The following CNTNAP2 variants were observed in gnomAD, a reference collection of about 807,000 sequenced individuals.
CNTNAP2 encodes contactin associated protein 2, also known as contactin-associated protein-like 2.
CNTNAP2 carries 98 observed loss-of-function variants against 155.2 expected under a neutral mutation model. The observed-to-expected ratio is 0.63, with a 90% CI of 0.54 to 0.75. The LOEUF is 0.75. Ranked by LOEUF, CNTNAP2 falls within the 30% of genes least tolerant of loss-of-function variation. The pLI is 0.00. For missense variants in CNTNAP2, 1,727 were observed against 1,688.1 expected (o/e 1.02, Z -0.40); for synonymous variants, 651 against 631.2 (o/e 1.03, Z -0.47).
At chr7:146,372,296 A>G (rs1052890395) in intron 1 of CNTNAP2, among the ~76,000 whole-genome samples, 2 of 152,214 alleles carry the variant, frequency 1.3e-5, no homozygotes, top group Non-Finnish European at 2.9e-5. Context: ...TTTTCAGCCA[A>G]TGCCATAGAA....
At chr7:146,242,483 G>A (rs564269529) in intron 1 of CNTNAP2, among the ~76,000 whole-genome samples, 9 of 151,682 alleles carry the variant, frequency 5.9e-5, no homozygotes, top group African/African-American at 2.2e-4. Flanking sequence ...AGGTTGCAGT[G>A]AGCCGAGATT....
At chr7:147,734,644 C>G (rs1204650293) in intron 13 of CNTNAP2, among the ~76,000 whole-genome samples, 1 of 152,152 alleles carries the variant, frequency 6.6e-6, no homozygotes, top group African/African-American at 2.4e-5. Flanking sequence ...TCTGTCTGGT[C>G]CTGCACATTT....
At chr7:148,237,697 GC>G (rs138932417) in intron 20 of CNTNAP2, among the ~76,000 whole-genome samples, 13,469 of 152,260 alleles carry the variant, frequency 0.088, 842 homozygotes, top group Non-Finnish European at 0.15. Flanking sequence ...TGAGGCACAT[GC>G]AGAGTGGTGT....
intron 13 of CNTNAP2, among the ~76,000 whole-genome samples, chr7:147,715,544 G>A (rs1796469009): frequency 6.6e-6 from 1 of 151,852 alleles, no homozygotes; most frequent in Admixed American, 6.6e-5. Flanking sequence ...CTAATTTTAT[G>A]GGGTTTTTTT....
At chr7:146,479,314 A>G (rs1306284670) in intron 1 of CNTNAP2, among the ~76,000 whole-genome samples, 1 of 152,180 alleles carries the variant, frequency 6.6e-6, no homozygotes, top group South Asian at 2.1e-4. Context: ...CAATAAACAC[A>G]TCTCTTAAAT....
rs372962652 is a variant in CNTNAP2, at chr7:147,869,986, C to A, written c.2099-33579C>A. Among the ~76,000 whole-genome samples the A allele has an allele frequency of 3.2e-4, 49 of 152,228 alleles. 1 individual carries two copies. Among genetic ancestry groups the A allele is most frequent in the African/African-American group, 1.0e-3 (42 of 41,554 alleles). On this transcript the variant is annotated intron_variant, in intron 13 of 23. Transcript: ENST00000361727. ...TGCTAAGGTTGAGGGAGACATTAAA[C>A]TCACAACACTCCTATAAGATGGACA...
At chr7:147,732,835 T>A (rs1442964050) in intron 13 of CNTNAP2, among the ~76,000 whole-genome samples, 1 of 152,242 alleles carries the variant, frequency 6.6e-6, no homozygotes, top group Non-Finnish European at 1.5e-5. Flanking sequence ...ATGTCTTCTT[T>A]TGAGAAGTGT....
chr7:148,343,235 C>T (rs1210228524), intron 21 of CNTNAP2, among the ~76,000 whole-genome samples: 4 of 152,290 alleles, frequency 2.6e-5, no homozygotes, highest in Admixed American at 2.6e-4. Context: ...TGACATGTCC[C>T]ACAACACATC....
chr7:146,685,508 A>C (rs893303866), intron 1 of CNTNAP2, among the ~76,000 whole-genome samples: 1 of 152,220 alleles, frequency 6.6e-6, no homozygotes, highest in African/African-American at 2.4e-5. Flanking sequence ...GAACCAAAAA[A>C]ATACATCCTT....
chr7:147,132,648 G>T (rs2129285366), intron 8 of CNTNAP2, 139 bp downstream of exon 8: 1 of 1,178,206 alleles, frequency 8.5e-7, no homozygotes, highest in Middle Eastern at 2.4e-4. Context: ...TTACTTGGTT[G>T]TAGTGTGTGC....
intron 21 of CNTNAP2, among the ~76,000 whole-genome samples, chr7:148,375,114 T>C (rs1798959019): frequency 6.6e-6 from 1 of 152,142 alleles, no homozygotes; most frequent in Admixed American, 6.5e-5. Context: ...ATCAGATGTG[T>C]GCTCCTACCC....
intron 8 of CNTNAP2, among the ~76,000 whole-genome samples, chr7:147,222,681 TA>T (rs1458577485): frequency 6.6e-6 from 1 of 152,170 alleles, no homozygotes; most frequent in Non-Finnish European, 1.5e-5. Flanking sequence ...GGGAGCACTT[TA>T]AACAGGCCTT....
intron 1 of CNTNAP2, among the ~76,000 whole-genome samples, chr7:146,381,162 G>A (rs1257679581): frequency 6.6e-6 from 1 of 152,044 alleles, no homozygotes; most frequent in Non-Finnish European, 1.5e-5. Flanking sequence ...TTTGGCCCAT[G>A]AGATATCAGC....
At chr7:147,279,682 G>T (rs12333629) in intron 8 of CNTNAP2, among the ~76,000 whole-genome samples, 1 of 151,780 alleles carries the variant, frequency 6.6e-6, no homozygotes, top group Admixed American at 6.6e-5. Context: ...TGATCCACCA[G>T]CTTACTATAC....
chr7:147,137,647 AT>A (rs1432768645), intron 8 of CNTNAP2, among the ~76,000 whole-genome samples: 1 of 151,946 alleles, frequency 6.6e-6, no homozygotes, highest in Non-Finnish European at 1.5e-5. Flanking sequence ...TTCACCTTAA[AT>A]AATAAGCTTC....
chr7:147,742,032 G>A (rs898348661), intron 13 of CNTNAP2, among the ~76,000 whole-genome samples: 1 of 152,148 alleles, frequency 6.6e-6, no homozygotes, highest in African/African-American at 2.4e-5. Context: ...TGCAGGCAAA[G>A]AGAGGAGAGC....
chr7:148,355,150 C>T (rs1006258436), intron 21 of CNTNAP2, among the ~76,000 whole-genome samples: 3 of 140,620 alleles, frequency 2.1e-5, no homozygotes, highest in African/African-American at 8.1e-5. Flanking sequence ...CCACTTCATG[C>T]ATCAGCCGCC....
chr7:148,313,832 A>G (rs1036227052), intron 21 of CNTNAP2, among the ~76,000 whole-genome samples: 4 of 152,158 alleles, frequency 2.6e-5, no homozygotes, highest in African/African-American at 9.7e-5. Context: ...CTAGGGCTAT[A>G]AAGCGTCTCA....
chr7:146,558,983 T>C (rs999264612), intron 1 of CNTNAP2, among the ~76,000 whole-genome samples: 4 of 152,214 alleles, frequency 2.6e-5, no homozygotes, highest in African/African-American at 7.2e-5. Flanking sequence ...TACGAGTTTT[T>C]CAAAGATTTG....
Sources: gnomAD v4.1 joint callset for allele counts (sites outside exome capture counted in the v4.1 genomes callset) on GRCh38, gnomAD v4.1.1 for gene constraint, MANE v1.5 for transcripts, NCBI Gene and HGNC (gene_info 2026-07-23, HGNC 2026-07-21) for gene names.